SETX: variants seen among roughly 807,000 people sequenced by gnomAD.
The protein encoded by SETX is helicase senataxin.
Under a neutral mutation model 227.2 loss-of-function variants are expected in SETX, and 90 were observed. The ratio of observed to expected loss-of-function variants is 0.40; its 90% CI spans 0.33 to 0.47. The LOEUF is 0.47. SETX is among the 20% of genes least tolerant of loss of function. SETX has a pLI of 0.91. For synonymous variants in SETX, 1,210 were observed against 1,113.2 expected (o/e 1.09, Z -1.73); for missense variants, 3,052 against 3,181.5 (o/e 0.96, Z 0.98).
intron 23 of SETX, 140 bp from the exon 24 acceptor site, chr9:132,271,948 T>C (rs1195753934): frequency 1.6e-6 from 1 of 625,312 alleles, no homozygotes; most frequent in Non-Finnish European, 2.7e-6. Flanking sequence ...AGTGGCGCGA[T>C]CTCAGTTCAC....
chr9:132,302,406 T>A (rs1845051116), intron 11 of SETX, among the ~76,000 whole-genome samples: 1 of 135,522 alleles, frequency 7.4e-6, no homozygotes. Flanking sequence ...ACGCCTGTAA[T>A]CCCAGCACTT....
In SETX at chr9:132,263,598, G is replaced by GCA. The variant is rs1294688589; in HGVS notation, c.*639_*640dup. The GCA allele has an allele frequency of 6.6e-6, 1 of 152,504 alleles. No individual in the cohort carries two copies. The highest frequency in any genetic ancestry group is 1.5e-5 in the Non-Finnish European group (1 of 68,306). The allele number at this position is 152,504 out of a possible 1,614,324, so 9.4% of individuals were successfully genotyped here. ...GGGCCAATGCACTCTATCTAAAAAT[G>GCA]CACCATGTCAGCAAGACTTTACCTA... On this transcript the variant is annotated 3_prime_UTR_variant, in exon 26 of 26. Transcript: ENST00000224140.
rs57031484 is a variant in SETX at position 132,271,075 on chromosome 9, A to C, written c.7199+635T>G. On this transcript the variant is annotated intron_variant, in intron 24 of 25. Coordinates refer to ENST00000224140, the MANE Select transcript of SETX (RefSeq NM_015046.7). Reference sequence around the variant, plus strand: ...TTGGGATATTTTCTGTCACTCATACAGGTGTCCTTAGCATCTTAAATAAAC... The same window carrying C: ...TTGGGATATTTTCTGTCACTCATACCGGTGTCCTTAGCATCTTAAATAAAC... 4.2e-3 allele frequency among the ~76,000 whole-genome samples: 641 copies of C among 152,358 alleles called. 3 individuals carry two copies. The highest frequency in any genetic ancestry group is 0.015 in the African/African-American group (620 of 41,578).
At chr9:132,323,126 C>T (rs968745492) in intron 10 of SETX, among the ~76,000 whole-genome samples, 1 of 152,096 alleles carries the variant, frequency 6.6e-6, no homozygotes, top group South Asian at 2.1e-4. Context: ...ACAGGCCTCG[C>T]TAACATGAGT....
In SETX at chr9:132,277,013, T is replaced by A. The variant is rs563210323; in HGVS notation, c.6935+47A>T. 1,359 of 1,469,750 alleles carry A rather than the reference T, an allele frequency of 9.2e-4. 9 individuals are homozygous for A. In the African/African-American group the frequency reaches 0.017, roughly 18 times the overall value. The allele number at this position is 1,469,750 out of a possible 1,614,324, so 91.0% of individuals were successfully genotyped here. A position where few individuals can be genotyped will look rare whatever the true frequency, so the allele number is the denominator to read the frequency against. On this transcript the variant is annotated intron_variant, in intron 22 of 25. Transcript: ENST00000224140. The stretch of plus-strand genomic sequence containing the variant: ...AACAGAAATATGAATGCAAATCATG[T>A]AACAATTCTGGGACTATCAGAGGAC...
At position 132,335,816 on chromosome 9, in the gene SETX, T is replaced by C. The variant is rs572599401; in HGVS notation, c.718+480A>G. Among the ~76,000 whole-genome samples, 9 of 152,330 alleles carry C rather than the reference T, an allele frequency of 5.9e-5. No homozygotes were observed. In the East Asian group the frequency reaches 1.3e-3, roughly 23 times the overall value. On this transcript the variant is annotated intron_variant, in intron 6 of 25. Transcript: ENST00000224140. Reference sequence around the variant, plus strand: ...TACAGAAAAGTTTCTAGGATATAAATACTGTTTAATAACAAGATATGTAAT... The same window carrying C: ...TACAGAAAAGTTTCTAGGATATAAACACTGTTTAATAACAAGATATGTAAT...
intron 15 of SETX, among the ~76,000 whole-genome samples, chr9:132,289,795 C>T (rs1351864904): frequency 1.3e-5 from 2 of 152,164 alleles, no homozygotes; most frequent in African/African-American, 4.8e-5. Flanking sequence ...ACCAATTTAA[C>T]CTGCCTGTTT....
intron 8 of SETX, 44 bp from the exon 9 acceptor site, chr9:132,331,183 A>T: frequency 6.3e-7 from 1 of 1,594,400 alleles, no homozygotes; most frequent in Non-Finnish European, 8.6e-7. Flanking sequence ...ACGAAGGGGG[A>T]AAAAAAGGAA....
chr9:132,269,662 G>A lies in SETX; in HGVS notation c.7240C>T (p.Arg2414Ter), dbSNP rs1564469089. 6.2e-7 allele frequency: 1 copy of A among 1,614,198 alleles called. No individual in the cohort carries two copies. Among genetic ancestry groups the A allele is most frequent in the Non-Finnish European group, 8.5e-7 (1 of 1,180,030 alleles). Residue 2414 changes from arginine (R) to a stop codon, truncating the protein, a stop_gained, in exon 25 of 26, where the codon CGA becomes TGA. Coordinates refer to ENST00000224140, the MANE Select transcript of SETX (RefSeq NM_015046.7). LOFTEE classifies it low-confidence loss of function (END_TRUNC). ...SLQRLNVTIT[R>*]AKYSLFILGH... ...AGGATGAAGAGGCTGTACTTGGCTC[G>A]TGTGATGGTGACATTCAATCTCTGC... is the stretch of plus-strand genomic sequence containing the variant.
chr9:132,317,767 T>C (rs765727118), intron 10 of SETX, among the ~76,000 whole-genome samples: 3 of 152,170 alleles, frequency 2.0e-5, no homozygotes, highest in Non-Finnish European at 4.4e-5. Context: ...CTGGCCATCT[T>C]TTTCCATTCT....
At chr9:132,355,303 T>TG (rs1437012152), upstream of SETX, among the ~76,000 whole-genome samples, 3 of 152,092 alleles carry the variant, frequency 2.0e-5, no homozygotes, top group Non-Finnish European at 4.4e-5. Context: ...CTGCTGCGGG[T>TG]GGGGTCAGCC....
chr9:132,334,233 A>G (rs1847447879), intron 7 of SETX, among the ~76,000 whole-genome samples: 1 of 152,146 alleles, frequency 6.6e-6, no homozygotes, highest in Non-Finnish European at 1.5e-5. Flanking sequence ...ATCACCTGAG[A>G]TCAAGAGTTC....
intron 10 of SETX, among the ~76,000 whole-genome samples, chr9:132,321,045 G>A (rs1039170385): frequency 2.6e-5 from 4 of 152,026 alleles, no homozygotes; most frequent in Admixed American, 6.6e-5. Flanking sequence ...AGGACAGCAA[G>A]GATGAGGATG....
chr9:132,280,538 T>C (rs1273369946), intron 20 of SETX, among the ~76,000 whole-genome samples: 1 of 152,202 alleles, frequency 6.6e-6, no homozygotes. Flanking sequence ...AACATGATCA[T>C]GTACCTGCGC....
rs548237642 is a variant in SETX, at chr9:132,337,772, C to T, written c.499-1257G>A. ...GGAGAGTGCTGGAGTTAGGAAATGACCATCTTGCAATCACCATAGTTCAGG... is the reference window on the plus strand; with the variant it reads ...GGAGAGTGCTGGAGTTAGGAAATGATCATCTTGCAATCACCATAGTTCAGG... On this transcript the variant is annotated intron_variant, in intron 5 of 25. Coordinates refer to ENST00000224140, the MANE Select transcript of SETX (RefSeq NM_015046.7). 8.5e-5 allele frequency among the ~76,000 whole-genome samples: 13 copies of T among 152,272 alleles called. No homozygotes were observed. The South Asian group carries it at 2.3e-3, about 27-fold the overall frequency.
intron 11 of SETX, among the ~76,000 whole-genome samples, chr9:132,311,494 C>T (rs1254590241): frequency 6.6e-6 from 1 of 152,084 alleles, no homozygotes; most frequent in Non-Finnish European, 1.5e-5. Context: ...AATCCCTCCA[C>T]TCACCCTCTC....
At chr9:132,330,846 T>TAATTTTCC (rs1847178114) in intron 9 of SETX, among the ~76,000 whole-genome samples, 1 of 152,170 alleles carries the variant, frequency 6.6e-6, no homozygotes, top group Non-Finnish European at 1.5e-5. Context: ...ACTTATAAGT[T>TAATTTTCC]AATTTTCCAA....
chr9:132,344,011 C>T (rs374737375), intron 4 of SETX, among the ~76,000 whole-genome samples: 9 of 152,136 alleles, frequency 5.9e-5, no homozygotes, highest in African/African-American at 1.9e-4. Context: ...ATAGTTGGCA[C>T]GTGCAGGGGT....
rs755140693 is a variant in SETX at position 132,271,711 on chromosome 9, C to CA, written c.7197dup (p.Gly2400TrpfsTer50). Reference sequence around the variant, plus strand: ...AGAGCAACAATGACAGTAACTCACCCAATTGAACCTTGGATGCTATTTGCT... The same window carrying CA: ...AGAGCAACAATGACAGTAACTCACCCAAATTGAACCTTGGATGCTATTTGCT... On this transcript the variant is annotated frameshift_variant and splice_region_variant, in exon 24 of 26. Transcript: ENST00000224140. LOFTEE classifies it high-confidence loss of function. 1.2e-6 allele frequency: 2 copies of CA among 1,608,276 alleles called. No individual in the cohort carries two copies. Among genetic ancestry groups the CA allele is most frequent in the South Asian group, 2.2e-5 (2 of 91,028 alleles).
Sources: allele counts gnomAD v4.1 joint callset (sites outside exome capture counted in the v4.1 genomes callset), GRCh38; gene constraint gnomAD v4.1.1; transcripts MANE v1.5; gene names NCBI Gene and HGNC (gene_info 2026-07-23, HGNC 2026-07-21).